The following GNA14 variants were observed in gnomAD, a reference collection of about 807,000 sequenced individuals.
The protein encoded by GNA14 is G protein subunit alpha 14.
A neutral mutation model predicts 42.0 loss-of-function variants in GNA14; 50 were observed. The ratio of observed to expected loss-of-function variants is 1.19; its 90% CI spans 0.95 to 1.51. The LOEUF (loss-of-function observed/expected upper bound fraction) is 1.51, where lower values mean the gene tolerates loss of function less well. Ranked by LOEUF, GNA14 falls within the 40% of genes most tolerant of loss-of-function variation. GNA14 has a pLI of 0.00. For missense variants in GNA14, 473 were observed against 446.2 expected (o/e 1.06, Z -0.54); for synonymous variants, 173 against 163.1 (o/e 1.06, Z -0.46).
chr9:77,579,401 G>A (rs1416264371), intron 1 of GNA14, among the ~76,000 whole-genome samples: 1 of 152,008 alleles, frequency 6.6e-6, no homozygotes. Context: ...ACAAAGATTT[G>A]GAACCAGAGA....
At chr9:77,595,927 C>G (rs138682738) in intron 1 of GNA14, among the ~76,000 whole-genome samples, 95 of 152,006 alleles carry the variant, frequency 6.2e-4, no homozygotes, top group African/African-American at 2.2e-3. Context: ...GAAGATTGCC[C>G]AAGCACAGGG....
intron 1 of GNA14, 28 bp from the exon 2 acceptor site, chr9:77,529,281 T>C (rs141884808): frequency 6.3e-7 from 1 of 1,575,444 alleles, no homozygotes; most frequent in East Asian, 2.2e-5. Context: ...TGGAAAACGC[T>C]GTCAGCAGAC....
intron 3 of GNA14, among the ~76,000 whole-genome samples, chr9:77,434,005 G>C (rs898318589): frequency 1.3e-5 from 2 of 152,184 alleles, no homozygotes; most frequent in Non-Finnish European, 2.9e-5. Flanking sequence ...GAGGAAAGTA[G>C]AAGCCAAAAG....
chr9:77,434,044 A>G (rs1248364927), intron 3 of GNA14, among the ~76,000 whole-genome samples: 3 of 152,172 alleles, frequency 2.0e-5, no homozygotes, highest in Non-Finnish European at 2.9e-5. Flanking sequence ...AAATCAGATA[A>G]TTTCAGCACT....
At chr9:77,600,612 A>C (rs1222630234) in intron 1 of GNA14, among the ~76,000 whole-genome samples, 2 of 152,172 alleles carry the variant, frequency 1.3e-5, no homozygotes, top group Admixed American at 6.5e-5. Flanking sequence ...AAGATGAGGA[A>C]TGAGAGTGTG....
intron 1 of GNA14, among the ~76,000 whole-genome samples, chr9:77,599,473 G>A (rs1018347271): frequency 1.5e-4 from 23 of 152,218 alleles, no homozygotes; most frequent in African/African-American, 5.3e-4. Context: ...GACTGAACCC[G>A]GCCCAGTGGA....
chr9:77,457,016 G>A (rs925102299), intron 2 of GNA14, among the ~76,000 whole-genome samples: 111 of 152,292 alleles, frequency 7.3e-4, no homozygotes, highest in African/African-American at 2.4e-3. Flanking sequence ...TGTGACTCAC[G>A]ACGCCACGTA....
At chr9:77,499,851 A>C (rs1376325903) in intron 2 of GNA14, among the ~76,000 whole-genome samples, 1 of 141,762 alleles carries the variant, frequency 7.1e-6, no homozygotes, top group Non-Finnish European at 1.5e-5. Context: ...CTGTCTCAAA[A>C]AATAAATAAA....
intron 1 of GNA14, among the ~76,000 whole-genome samples, chr9:77,640,607 T>C (rs988890453): frequency 2.6e-5 from 4 of 152,170 alleles, no homozygotes; most frequent in African/African-American, 9.7e-5. Context: ...TTAAGACTTA[T>C]TAAAGCCTCA....
intron 1 of GNA14, among the ~76,000 whole-genome samples, chr9:77,588,248 C>T (rs1353577584): frequency 1.3e-5 from 2 of 152,200 alleles, no homozygotes; most frequent in South Asian, 4.1e-4. Context: ...GGGGCTATCA[C>T]TCCATCCACC....
intron 1 of GNA14, among the ~76,000 whole-genome samples, chr9:77,531,805 A>G (rs560824852): frequency 1.3e-5 from 2 of 152,324 alleles, no homozygotes; most frequent in East Asian, 3.9e-4. Context: ...ACACACAAAC[A>G]TTTTTTAAAA....
intron 2 of GNA14, among the ~76,000 whole-genome samples, chr9:77,527,858 C>A (rs1837465220): frequency 6.6e-6 from 1 of 152,216 alleles, no homozygotes; most frequent in Admixed American, 6.5e-5. Context: ...TGGTCTCGAA[C>A]TCCTGACCTC....
At chr9:77,454,781 G>C (rs190488285) in intron 2 of GNA14, among the ~76,000 whole-genome samples, 3 of 152,182 alleles carry the variant, frequency 2.0e-5, no homozygotes, top group East Asian at 3.9e-4. Context: ...TAGAGCAAAG[G>C]CCTTTCTAAT....
At chr9:77,510,274 T>G (rs1048039609) in intron 2 of GNA14, among the ~76,000 whole-genome samples, 4 of 152,224 alleles carry the variant, frequency 2.6e-5, no homozygotes, top group Non-Finnish European at 5.9e-5. Context: ...CCAAGGTTCA[T>G]GCATGTTGTA....
Position 77,423,767 on chromosome 9 carries a change from T to C in GNA14, c.*212A>G, listed in dbSNP as rs1473187588. 1 of 342,096 alleles carries C rather than the reference T, an allele frequency of 2.9e-6. No homozygotes were observed. Among genetic ancestry groups the C allele is most frequent in the African/African-American group, 2.1e-5 (1 of 47,412 alleles). 21.2% of individuals were successfully genotyped at this position (342,096 alleles called of 1,614,324 possible). ...TAGCCAAAAGTCAAGAAAATAATTA[T>C]AAACACAATTTGGGATGTAAGGACT... is the stretch of plus-strand genomic sequence containing the variant. On this transcript the variant is annotated 3_prime_UTR_variant, in exon 7 of 7. Coordinates refer to ENST00000341700, the MANE Select transcript of GNA14 (RefSeq NM_004297.4).
At chr9:77,611,936 C>T (rs1037375574) in intron 1 of GNA14, among the ~76,000 whole-genome samples, 1 of 151,878 alleles carries the variant, frequency 6.6e-6, no homozygotes, top group Non-Finnish European at 1.5e-5. Flanking sequence ...TCAGTTGCCC[C>T]CAAAATGTAA....
intron 2 of GNA14, among the ~76,000 whole-genome samples, chr9:77,476,301 G>A (rs1049039442): frequency 3.3e-5 from 5 of 152,170 alleles, no homozygotes; most frequent in African/African-American, 9.7e-5. Flanking sequence ...CAGAATATCA[G>A]AGTACTGAAA....
intron 2 of GNA14, among the ~76,000 whole-genome samples, chr9:77,453,944 G>A (rs1170564500): frequency 1.3e-5 from 2 of 152,218 alleles, no homozygotes; most frequent in Non-Finnish European, 2.9e-5. Flanking sequence ...CGATTCCATA[G>A]CTTGTAAAAG....
chr9:77,434,583 T>G, intron 2 of GNA14, 61 bp from the exon 3 acceptor site: 2 of 1,441,552 alleles, frequency 1.4e-6, no homozygotes, highest in Non-Finnish European at 1.9e-6. Flanking sequence ...CCATTGGCAA[T>G]GTCGGTACAA....
Sources: allele counts gnomAD v4.1 joint callset (sites outside exome capture counted in the v4.1 genomes callset), GRCh38; gene constraint gnomAD v4.1.1; transcripts MANE v1.5; gene names NCBI Gene and HGNC (gene_info 2026-07-23, HGNC 2026-07-21).